The following PTTG1IP2 variants were observed in gnomAD, a reference collection of about 807,000 sequenced individuals.
The protein encoded by PTTG1IP2 is PTTG1IP family member 2.
chr7:90,473,332 T>C (rs1011026262), intron 1 of PTTG1IP2, among the ~76,000 whole-genome samples: 4 of 152,060 alleles, frequency 2.6e-5, no homozygotes, highest in Non-Finnish European at 5.9e-5. Context: ...GGACCACAGA[T>C]GCTAGACATG....
intron 6 of PTTG1IP2, among the ~76,000 whole-genome samples, chr7:90,505,326 G>A (rs946738048): frequency 6.6e-6 from 1 of 152,210 alleles, no homozygotes; most frequent in African/African-American, 2.4e-5. Flanking sequence ...GACTGCAGGT[G>A]AGATGAGATG....
At chr7:90,485,961 T>G (rs189790952) in intron 2 of PTTG1IP2, among the ~76,000 whole-genome samples, 20 of 152,358 alleles carry the variant, frequency 1.3e-4, no homozygotes, top group Middle Eastern at 3.4e-3. Context: ...TTCCAGTCTT[T>G]CGGCAACCGT....
intron 4 of PTTG1IP2, 124 bp downstream of exon 4, chr7:90,489,088 A>G (rs1797909675): frequency 6.6e-6 from 1 of 151,788 alleles, no homozygotes; most frequent in African/African-American, 2.4e-5. Context: ...TCCACATGGT[A>G]AGGAAGAAAA....
intron 2 of PTTG1IP2, among the ~76,000 whole-genome samples, chr7:90,483,187 A>G (rs76777740): frequency 0.018 from 2,666 of 152,200 alleles, 70 homozygotes; most frequent in African/African-American, 0.058. Context: ...AGTATCGTGG[A>G]TTATTTCCCA....
At chr7:90,503,437 T>C (rs547639211) in intron 6 of PTTG1IP2, among the ~76,000 whole-genome samples, 2 of 152,378 alleles carry the variant, frequency 1.3e-5, no homozygotes, top group South Asian at 4.1e-4. Flanking sequence ...TTTGGCTGTT[T>C]GGCACAAGAG....
chr7:90,492,916 C>G (rs1797954671), intron 5 of PTTG1IP2, among the ~76,000 whole-genome samples: 1 of 152,108 alleles, frequency 6.6e-6, no homozygotes. Context: ...CAAAGCTTTC[C>G]CTTATCCAGG....
chr7:90,486,878 A>T lies in PTTG1IP2; in HGVS notation c.193-449A>T, dbSNP rs187558938. Among the ~76,000 whole-genome samples, 35 of 152,286 alleles carry T rather than the reference A, an allele frequency of 2.3e-4. No homozygotes were observed. In the East Asian group the frequency reaches 6.4e-3, roughly 28 times the overall value. On this transcript the variant is annotated intron_variant, in intron 2 of 6. Coordinates refer to ENST00000509356, the MANE Select transcript of PTTG1IP2 (RefSeq NM_001365443.2). ...CAGCAAAAATCCTATGGAGTGACAG[A>T]CTCAGGGAAGATAAGCGGCAAGAGC...
At chr7:90,497,743 A>AAG (rs1562988273) in intron 6 of PTTG1IP2, among the ~76,000 whole-genome samples, 1 of 129,448 alleles carries the variant, frequency 7.7e-6, no homozygotes, top group Non-Finnish European at 1.6e-5. Context: ...AAAAAAAAAA[A>AAG]AGAAGAAGAA....
chr7:90,491,178 C>A (rs1797933909), intron 4 of PTTG1IP2, among the ~76,000 whole-genome samples: 1 of 152,156 alleles, frequency 6.6e-6, no homozygotes, highest in African/African-American at 2.4e-5. Context: ...AATTAAAGCA[C>A]TTTAAAAAGT....
At chr7:90,500,518 G>A (rs1223042181) in intron 6 of PTTG1IP2, among the ~76,000 whole-genome samples, 1 of 152,210 alleles carries the variant, frequency 6.6e-6, no homozygotes, top group African/African-American at 2.4e-5. Context: ...CTCCAACGCA[G>A]AGACTTGCCT....
chr7:90,506,620 A>G (rs566349377), intron 6 of PTTG1IP2, among the ~76,000 whole-genome samples: 1 of 152,280 alleles, frequency 6.6e-6, no homozygotes, highest in Non-Finnish European at 1.5e-5. Flanking sequence ...TTTTTTAATT[A>G]GCTGGATATG....
chr7:90,487,465 A>G (rs1330456517), intron 3 of PTTG1IP2, 45 bp downstream of exon 3: 1 of 152,582 alleles, frequency 6.6e-6, no homozygotes, highest in South Asian at 2.1e-4. Context: ...ATTTCAATTG[A>G]CTTGCAAATG....
chr7:90,482,489 A>T (rs951722257), intron 2 of PTTG1IP2, among the ~76,000 whole-genome samples: 13 of 146,264 alleles, frequency 8.9e-5, no homozygotes, highest in African/African-American at 3.4e-4. Flanking sequence ...GCTCATTCAT[A>T]AAAATCACAT....
chr7:90,472,781 G>A (rs555973570), intron 1 of PTTG1IP2, among the ~76,000 whole-genome samples: 17 of 152,182 alleles, frequency 1.1e-4, no homozygotes, highest in Non-Finnish European at 2.5e-4. Context: ...TATACACAGA[G>A]TGATTTCTAT....
chr7:90,497,563 CAA>C (rs758753541), intron 6 of PTTG1IP2, among the ~76,000 whole-genome samples: 224 of 44,362 alleles, frequency 5.0e-3, no homozygotes, highest in African/African-American at 0.015. Context: ...GAATCCGTCT[CAA>C]AAAAAAAAAA....
intron 2 of PTTG1IP2, among the ~76,000 whole-genome samples, chr7:90,480,546 A>G (rs1797804343): frequency 6.6e-6 from 1 of 152,124 alleles, no homozygotes; most frequent in Admixed American, 6.5e-5. Context: ...AAATGATGAT[A>G]TGGATACCAT....
At chr7:90,477,411 A>G (rs1430595381) in intron 1 of PTTG1IP2, among the ~76,000 whole-genome samples, 2 of 152,230 alleles carry the variant, frequency 1.3e-5, no homozygotes, top group Non-Finnish European at 2.9e-5. Context: ...CTAAACCTCA[A>G]CCATGGAACC....
chr7:90,485,113 C>T (rs1331660293), intron 2 of PTTG1IP2, among the ~76,000 whole-genome samples: 2 of 152,138 alleles, frequency 1.3e-5, no homozygotes, highest in African/African-American at 4.8e-5. Flanking sequence ...CCACACAGGG[C>T]TTGGGGAAGA....
chr7:90,479,532 A>G (rs1361752435), intron 2 of PTTG1IP2, among the ~76,000 whole-genome samples: 1 of 152,212 alleles, frequency 6.6e-6, no homozygotes, highest in Non-Finnish European at 1.5e-5. Flanking sequence ...TATTTGCTTG[A>G]AAAAAATTAT....
Sources: allele counts gnomAD v4.1 joint callset (sites outside exome capture counted in the v4.1 genomes callset), GRCh38; gene constraint gnomAD v4.1.1; transcripts MANE v1.5; gene names NCBI Gene and HGNC (gene_info 2026-07-23, HGNC 2026-07-21).